The following ATP5PO variants were observed in gnomAD, a reference collection of about 807,000 sequenced individuals.
ATP5PO encodes ATP synthase peripheral stalk subunit OSCP.
In ATP5PO, 14 loss-of-function variants were observed where a neutral mutation model predicts 26.2. The observed-to-expected ratio is 0.53, with a 90% CI of 0.35 to 0.83. The LOEUF (loss-of-function observed/expected upper bound fraction) is 0.83, where lower values mean the gene tolerates loss of function less well. Ranked by LOEUF, ATP5PO falls within the 40% of genes least tolerant of loss-of-function variation. The pLI is 0.01. For synonymous variants in ATP5PO, 106 were observed against 95.1 expected, an observed-to-expected ratio of 1.12 and a Z score of -0.67; for missense variants, 241 against 258.5, an observed-to-expected ratio of 0.93 and a Z score of 0.46.
chr21:33,915,613 C>T, intron 1 of ATP5PO, 115 bp downstream of exon 1: 1 of 1,460,064 alleles, frequency 6.8e-7, no homozygotes. Flanking sequence ...GTCCCATAAC[C>T]TTGAAGACTG....
chr21:33,914,644 CTACT>C (rs1987290845), intron 1 of ATP5PO, 144 bp from the exon 2 acceptor site: 2 of 701,918 alleles, frequency 2.8e-6, no homozygotes, highest in Non-Finnish European at 4.7e-6. Context: ...TGAGGGTGAG[CTACT>C]TACTATTACT....
At position 33,915,578 on chromosome 21, in the gene ATP5PO, G is replaced by C. The variant is rs868478040; in HGVS notation, c.36+150C>G. ...CATCCCGGGGGACAAACGCTGGGTC[G>C]TCCTGAGTCGCTCCCACTCGCCAGG... On this transcript the variant is annotated intron_variant, in intron 1 of 6. Coordinates refer to ENST00000290299, the MANE Select transcript of ATP5PO (RefSeq NM_001697.3). The C allele has an allele frequency of 1.3e-4, 162 of 1,219,652 alleles. No homozygotes were observed. The African/African-American group carries it at 2.2e-3, about 16-fold the overall frequency. 75.6% of individuals were successfully genotyped at this position (1,219,652 alleles called of 1,614,324 possible).
intron 5 of ATP5PO, among the ~76,000 whole-genome samples, chr21:33,905,598 C>T (rs922989257): frequency 2.6e-5 from 4 of 152,100 alleles, no homozygotes; most frequent in African/African-American, 9.7e-5. Context: ...TTTGCAAAAA[C>T]AAGCATCCTT....
At chr21:33,913,040 G>T (rs1304995758) in intron 2 of ATP5PO, among the ~76,000 whole-genome samples, 2 of 152,160 alleles carry the variant, frequency 1.3e-5, no homozygotes, top group African/African-American at 4.8e-5. Flanking sequence ...GGAAAGCTCA[G>T]GCTTGGATGA....
intron 4 of ATP5PO, 51 bp from the exon 5 acceptor site, chr21:33,907,504 T>C: frequency 6.7e-7 from 1 of 1,499,634 alleles, no homozygotes; most frequent in Non-Finnish European, 9.3e-7. Context: ...GAACAAGTTA[T>C]TCATGAAGTT....
At chr21:33,905,877 A>G (rs535588622) in intron 5 of ATP5PO, among the ~76,000 whole-genome samples, 3 of 133,926 alleles carry the variant, frequency 2.2e-5, no homozygotes, top group African/African-American at 5.6e-5. Context: ...GTGCCACTGC[A>G]CTCCAGCCTG....
chr21:33,909,075 T>C lies in ATP5PO; in HGVS notation c.328+7A>G. On this transcript the variant is annotated splice_region_variant and intron_variant, in intron 4 of 6. Transcript: ENST00000290299. ...GACACCTCAAATGAAAAAGTTCTAA[T>C]ACTCACTGATCAGATTGGTAGTGAG... 7 of 1,600,628 alleles carry C rather than the reference T, an allele frequency of 4.4e-6. No individual in the cohort carries two copies. The highest frequency in any genetic ancestry group is 6.0e-6 in the Non-Finnish European group (7 of 1,172,760).
chr21:33,903,698 A>G, intron 6 of ATP5PO, 59 bp from the exon 7 acceptor site: 6 of 1,571,512 alleles, frequency 3.8e-6, no homozygotes, highest in South Asian at 2.2e-5. Context: ...GACACACAAA[A>G]AAGTGTTTTG....
chr21:33,908,541 CTACAAAAAA>C (rs1987205330), intron 4 of ATP5PO, among the ~76,000 whole-genome samples: 1 of 152,074 alleles, frequency 6.6e-6, no homozygotes, highest in African/African-American at 2.4e-5. Context: ...AACCCCATCT[CTACAAAAAA>C]TACAAAAAAT....
At position 33,906,577 on chromosome 21, in the gene ATP5PO, T is replaced by C. The variant is rs1053474683; in HGVS notation, c.441+764A>G. On this transcript the variant is annotated intron_variant, in intron 5 of 6. Coordinates refer to ENST00000290299, the MANE Select transcript of ATP5PO (RefSeq NM_001697.3). The stretch of plus-strand genomic sequence containing the variant: ...GAATAACATAATAAAGCACCCAGCA[T>C]ATAGTAGGGTTCAATAAACGGTAGC... The C allele has an allele frequency of 9.5e-5, 41 of 430,578 alleles. No individual in the cohort carries two copies. The East Asian group carries it at 2.8e-3, about 29-fold the overall frequency. 26.7% of individuals were successfully genotyped at this position (430,578 alleles called of 1,614,324 possible).
At chr21:33,903,867 T>C in intron 6 of ATP5PO, 68 bp downstream of exon 6, 2 of 1,398,058 alleles carry the variant, frequency 1.4e-6, no homozygotes, top group South Asian at 1.3e-5. Flanking sequence ...ATTTCACTAG[T>C]ACTTTCTGTA....
At chr21:33,905,296 G>A (rs1987155324) in intron 5 of ATP5PO, among the ~76,000 whole-genome samples, 1 of 151,988 alleles carries the variant, frequency 6.6e-6, no homozygotes, top group Non-Finnish European at 1.5e-5. Flanking sequence ...ACCTGTCTAT[G>A]CCAGGCACAT....
intron 2 of ATP5PO, among the ~76,000 whole-genome samples, chr21:33,913,752 G>GA (rs998622467): frequency 9.1e-4 from 139 of 152,218 alleles, no homozygotes; most frequent in Non-Finnish European, 5.7e-4. Flanking sequence ...ATGGAACATG[G>GA]AGAACTGCAT....
At position 33,903,483 on chromosome 21, in the gene ATP5PO, TCCAAGTTTAAGAATTTTCA is replaced by T; in HGVS notation, c.*24_*42del. On this transcript the variant is annotated 3_prime_UTR_variant, in exon 7 of 7. Coordinates refer to ENST00000290299, the MANE Select transcript of ATP5PO (RefSeq NM_001697.3). ...TGTTCTGGAAGCTTTTTATTGTTGC[TCCAAGTTTAAGAATTTTCA>T]CTGATGGCAGAAAACCAACACTTTT... 6.5e-7 allele frequency: 1 copy of T among 1,542,466 alleles called. No homozygotes were observed. Among genetic ancestry groups the T allele is most frequent in the Non-Finnish European group, 8.9e-7 (1 of 1,119,250 alleles).
Position 33,912,391 on chromosome 21 carries a change from A to C in ATP5PO, c.96T>G (p.Val32=). 2 of 1,607,480 alleles carry C rather than the reference A, an allele frequency of 1.2e-6. No individual in the cohort carries two copies. The highest frequency in any genetic ancestry group is 1.7e-6 in the Non-Finnish European group (2 of 1,176,076). The part of the protein sequence containing the change: ...RPFAKLVRPP[V]QVYGIEGRYA... Reference sequence around the variant, plus strand: ...AGCGACCTTCAATACCGTATACCTGAACAGGAGGCTTTAAAAAAAAGGTGA... The same window carrying C: ...AGCGACCTTCAATACCGTATACCTGCACAGGAGGCTTTAAAAAAAAGGTGA... The change falls in exon 3 of 7, where the codon GTT becomes GTG. Residue 32 remains valine (V), a synonymous_variant. Transcript: ENST00000290299.
intron 5 of ATP5PO, chr21:33,906,387 G>A (rs1987172967): frequency 3.6e-6 from 1 of 281,308 alleles, no homozygotes; most frequent in Non-Finnish European, 7.0e-6. Flanking sequence ...GCAATGTAGT[G>A]TAGTCTAAGG....
chr21:33,911,274 T>C (rs1027344421), intron 3 of ATP5PO, among the ~76,000 whole-genome samples: 1 of 152,178 alleles, frequency 6.6e-6, no homozygotes, highest in Non-Finnish European at 1.5e-5. Context: ...CTGCTTTTCA[T>C]GTTTAAAAAA....
intron 5 of ATP5PO, among the ~76,000 whole-genome samples, chr21:33,904,780 AC>A (rs1987146804): frequency 6.6e-6 from 1 of 152,162 alleles, no homozygotes; most frequent in Non-Finnish European, 1.5e-5. Flanking sequence ...TCGCTCTGTC[AC>A]CCAGGCTGGA....
rs377668300 is a variant in ATP5PO at position 33,909,071 on chromosome 21, C to T, written c.328+11G>A. The T allele has an allele frequency of 6.3e-7, 1 of 1,598,780 alleles. No individual in the cohort carries two copies. The highest frequency in any genetic ancestry group is 8.5e-7 in the Non-Finnish European group (1 of 1,171,996). On this transcript the variant is annotated intron_variant, in intron 4 of 6. Transcript: ENST00000290299. ...TCAAGACACCTCAAATGAAAAAGTT[C>T]TAATACTCACTGATCAGATTGGTAG...
Sources: gnomAD v4.1 joint callset for allele counts (sites outside exome capture counted in the v4.1 genomes callset) on GRCh38, gnomAD v4.1.1 for gene constraint, MANE v1.5 for transcripts, NCBI Gene and HGNC (gene_info 2026-07-23, HGNC 2026-07-21) for gene names.